VPS35L: variants seen among roughly 807,000 people sequenced by gnomAD.
The protein encoded by VPS35L is VPS35 endosomal protein-sorting factor-like.
In VPS35L, 83 loss-of-function variants were observed where a neutral mutation model predicts 133.0. The ratio of observed to expected loss-of-function variants is 0.62; its 90% CI spans 0.52 to 0.75. The LOEUF (loss-of-function observed/expected upper bound fraction) is 0.75, where lower values mean the gene tolerates loss of function less well. Among genes scored for constraint, VPS35L ranks in the 30% least tolerant of loss-of-function variants. The pLI is 0.00. For missense variants in VPS35L, 1,083 were observed against 1,206.8 expected (o/e 0.90, Z 1.52); for synonymous variants, 423 against 449.9 (o/e 0.94, Z 0.76).
chr16:19,605,371 C>A lies in VPS35L; in HGVS notation c.785-2807C>A, dbSNP rs111231765. 5.2e-3 allele frequency among the ~76,000 whole-genome samples: 799 copies of A among 152,292 alleles called. 9 individuals are homozygous for A. Among genetic ancestry groups the A allele is most frequent in the African/African-American group, 0.019 (780 of 41,546 alleles). ...TTTTGAAGGAGTCCCCATGTAGCAG[C>A]CCAAGTGCTGAAGTCTAAACTGTGT... On this transcript the variant is annotated intron_variant, in intron 9 of 30. Transcript: ENST00000417362.
At chr16:19,612,179 C>T (rs80214103) in intron 12 of VPS35L, among the ~76,000 whole-genome samples, 8,827 of 151,880 alleles carry the variant, frequency 0.058, 464 homozygotes, top group East Asian at 0.23. Flanking sequence ...CCTCATGATC[C>T]GCCTGCCCCG....
At chr16:19,648,263 C>A (rs1974016018) in intron 24 of VPS35L, among the ~76,000 whole-genome samples, 1 of 152,168 alleles carries the variant, frequency 6.6e-6, no homozygotes. Flanking sequence ...CTGCGCCCAC[C>A]CTTAATCTGG....
chr16:19,672,310 T>C (rs1974904682), intron 27 of VPS35L, among the ~76,000 whole-genome samples: 1 of 152,180 alleles, frequency 6.6e-6, no homozygotes, highest in African/African-American at 2.4e-5. Context: ...CCTAGGACCA[T>C]ATTTGAGAAA....
chr16:19,594,426 T>C (rs1254103009), intron 8 of VPS35L, among the ~76,000 whole-genome samples: 2 of 152,072 alleles, frequency 1.3e-5, no homozygotes, highest in East Asian at 3.9e-4. Flanking sequence ...GTTGGATCAC[T>C]TCAGGTCAGG....
chr16:19,616,554 C>G, intron 13 of VPS35L, 132 bp from the exon 14 acceptor site: 1 of 1,159,390 alleles, frequency 8.6e-7, no homozygotes, highest in Non-Finnish European at 1.2e-6. Context: ...AAAAAAACAA[C>G]CGAGAAACCA....
chr16:19,617,208 A>G, intron 14 of VPS35L: 1 of 485,716 alleles, frequency 2.1e-6, no homozygotes, highest in South Asian at 2.5e-5. Context: ...AATAGAAAAA[A>G]TTAGCCAGAC....
At chr16:19,649,052 G>A (rs146101321) in intron 24 of VPS35L, among the ~76,000 whole-genome samples, 2,257 of 151,076 alleles carry the variant, frequency 0.015, 68 homozygotes, top group African/African-American at 0.053. Context: ...GCAATGGTGC[G>A]ATTTTGGCTC....
At chr16:19,557,189 A>G (rs550779001) in intron 1 of VPS35L, among the ~76,000 whole-genome samples, 13 of 152,152 alleles carry the variant, frequency 8.5e-5, no homozygotes, top group Non-Finnish European at 1.6e-4. Context: ...GCTAACCAAA[A>G]ACATGAGAAA....
At chr16:19,663,655 C>A (rs1974562138) in intron 26 of VPS35L, among the ~76,000 whole-genome samples, 2 of 125,726 alleles carry the variant, frequency 1.6e-5, no homozygotes, top group African/African-American at 3.1e-5. Flanking sequence ...CTTGGTGCAA[C>A]AGTGCAGTAA....
intron 28 of VPS35L, among the ~76,000 whole-genome samples, chr16:19,685,894 C>G (rs1157364844): frequency 1.3e-5 from 2 of 152,112 alleles, no homozygotes; most frequent in Middle Eastern, 3.2e-3. Flanking sequence ...CCTCTCCTCT[C>G]TCTCCTCTCC....
chr16:19,660,787 T>G (rs1158656249), intron 26 of VPS35L, among the ~76,000 whole-genome samples: 3 of 152,156 alleles, frequency 2.0e-5, no homozygotes, highest in Non-Finnish European at 4.4e-5. Flanking sequence ...AATCTGTATT[T>G]TAAATCTTAA....
At chr16:19,652,146 TC>T (rs1185341130) in intron 26 of VPS35L, 56 bp downstream of exon 26, 2 of 1,234,128 alleles carry the variant, frequency 1.6e-6, no homozygotes, top group African/African-American at 3.0e-5. Context: ...GAAAACTGAC[TC>T]AGGTGTGTGC....
chr16:19,632,151 C>T (rs1271050631), intron 18 of VPS35L, among the ~76,000 whole-genome samples: 3 of 151,818 alleles, frequency 2.0e-5, no homozygotes, highest in African/African-American at 7.3e-5. Context: ...TTAGTAGAGA[C>T]GGGGTTTCAC....
intron 26 of VPS35L, among the ~76,000 whole-genome samples, chr16:19,654,417 C>T (rs1184029004): frequency 6.6e-6 from 1 of 151,724 alleles, no homozygotes; most frequent in African/African-American, 2.4e-5. Context: ...GGAACTTTCT[C>T]CTACTGCTTG....
At chr16:19,617,110 C>T (rs1327899092) in intron 14 of VPS35L, 4 of 584,042 alleles carry the variant, frequency 6.8e-6, no homozygotes, top group Non-Finnish European at 1.2e-5. Context: ...AATCCCAGCA[C>T]TTTGCAAGGC....
chr16:19,569,499 G>C lies in VPS35L; in HGVS notation c.193G>C (p.Val65Leu). Residue 65 changes from valine to leucine, a missense_variant, in exon 3 of 31, where the codon GTG (valine) becomes CTG (leucine). By Grantham distance (32) the Val-to-Leu change is conservative (BLOSUM62 1). Coordinates refer to ENST00000417362, the MANE Select transcript of VPS35L (RefSeq NM_020314.7). ...CACGTCCTCCTCCTCCTCCAGCTCC[G>C]TGGTGGACCCGCTGAGCAGCGTCCT... ...SSTSSSSSSSVVDPLSSVLDG... is the reference protein window; with the variant it reads ...SSTSSSSSSSLVDPLSSVLDG... The C allele has an allele frequency of 1.2e-6, 2 of 1,610,708 alleles. No individual in the cohort carries two copies. Among genetic ancestry groups the C allele is most frequent in the Non-Finnish European group, 1.7e-6 (2 of 1,178,538 alleles).
rs150769084 is a variant in VPS35L at position 19,650,332 on chromosome 16, C to A, written c.2029-50C>A. Reference sequence around the variant, plus strand: ...TGAGATCTCTATGGAAGACACTCATCTGAATCGGCCATCGCTTCATTACCA... The same window carrying A: ...TGAGATCTCTATGGAAGACACTCATATGAATCGGCCATCGCTTCATTACCA... On this transcript the variant is annotated intron_variant, in intron 24 of 30. Coordinates refer to ENST00000417362, the MANE Select transcript of VPS35L (RefSeq NM_020314.7). The A allele has an allele frequency of 2.5e-4, 356 of 1,403,684 alleles. 2 individuals are homozygous for A. In the East Asian group the frequency reaches 6.1e-3, roughly 24 times the overall value. The allele number at this position is 1,403,684 out of a possible 1,614,324, so 87.0% of individuals were successfully genotyped here.
intron 7 of VPS35L, chr16:19,587,246 C>T (rs977015419): frequency 2.2e-5 from 9 of 411,728 alleles, no homozygotes; most frequent in East Asian, 1.7e-4. Context: ...CTGGGGATTA[C>T]AATTCGACAT....
At chr16:19,615,114 C>T (rs1210546105) in intron 12 of VPS35L, among the ~76,000 whole-genome samples, 1 of 152,142 alleles carries the variant, frequency 6.6e-6, no homozygotes, top group East Asian at 1.9e-4. Context: ...TCTCACGTAC[C>T]GTAATCTTTG....
Sources: allele counts gnomAD v4.1 joint callset (sites outside exome capture counted in the v4.1 genomes callset), GRCh38; gene constraint gnomAD v4.1.1; transcripts MANE v1.5; gene names NCBI Gene and HGNC (gene_info 2026-07-23, HGNC 2026-07-21).